VPS41: variants seen among roughly 807,000 people sequenced by gnomAD.
VPS41 encodes the protein vacuolar protein sorting-associated protein 41 homolog.
VPS41 carries 85 observed loss-of-function variants against 130.9 expected under a neutral mutation model. That is an observed-to-expected ratio of 0.65 (90% CI 0.55 to 0.78). The LOEUF is 0.78. Among genes scored for constraint, VPS41 ranks in the 30% least tolerant of loss-of-function variants. The probability of loss-of-function intolerance (pLI) is 0.00; values close to 1 mark genes in which losing one functional copy is unlikely to be tolerated. For missense variants in VPS41, 874 were observed against 1,018.7 expected (o/e 0.86, Z 1.93); for synonymous variants, 335 against 332.9 (o/e 1.01, Z -0.07).
Position 38,765,635 on chromosome 7 carries a change from T to A in VPS41, c.1274A>T (p.Asn425Ile). The A allele has an allele frequency of 6.2e-7, 1 of 1,603,652 alleles. No homozygotes were observed. Among genetic ancestry groups the A allele is most frequent in the Non-Finnish European group, 8.5e-7 (1 of 1,177,128 alleles). Residue 425 changes from asparagine to isoleucine, a missense_variant, in exon 16 of 29, where the codon AAT (asparagine) becomes ATT (isoleucine). By Grantham distance (149) the Asn-to-Ile change is moderately radical. Coordinates refer to ENST00000310301, the MANE Select transcript of VPS41 (RefSeq NM_014396.4). ...AACTTCATATTCCCAGAGTGCTGCA[T>A]TTTTCCCAAGAATTTTCTGGCATTT... Reference protein sequence around the residue: ...ARKCQKILGKNAALWEYEVYK... With the variant: ...ARKCQKILGKIAALWEYEVYK...
At chr7:38,828,753 A>C (rs193300633) in intron 5 of VPS41, among the ~76,000 whole-genome samples, 31 of 152,316 alleles carry the variant, frequency 2.0e-4, no homozygotes, top group Non-Finnish European at 3.2e-4. Flanking sequence ...ATAGGCAGCT[A>C]TAAATTTTAC....
intron 25 of VPS41, 53 bp downstream of exon 25, chr7:38,741,932 C>A: frequency 6.3e-7 from 1 of 1,591,134 alleles, no homozygotes; most frequent in Non-Finnish European, 8.5e-7. Flanking sequence ...AATATTTATC[C>A]AGTACTAAGT....
chr7:38,728,694 T>C lies in VPS41; in HGVS notation c.2357A>G (p.Asp786Gly), dbSNP rs1195386681. 2.5e-6 allele frequency: 4 copies of C among 1,614,002 alleles called. No homozygotes were observed. In the African/African-American group the frequency reaches 5.3e-5, roughly 22 times the overall value. ...ATGATTATTTCAATTTTACCCACCA[T>C]CAACAAGAACACCTTTCATTTGAGT... Reference protein sequence around the residue: ...HRTQMKGVLVDEENICESCLS... With the variant: ...HRTQMKGVLVGEENICESCLS... Residue 786 changes from aspartate (D) to glycine (G), a missense_variant and splice_region_variant, in exon 26 of 29, where the codon GAT becomes GGT. Asp to Gly is a moderately conservative substitution (Grantham distance 94). Coordinates refer to ENST00000310301, the MANE Select transcript of VPS41 (RefSeq NM_014396.4).
intron 22 of VPS41, among the ~76,000 whole-genome samples, chr7:38,747,063 A>G (rs535190757): frequency 6.6e-6 from 1 of 152,276 alleles, no homozygotes; most frequent in Admixed American, 6.5e-5. Context: ...AGTTGAATCT[A>G]ATCCTAGCTA....
At chr7:38,771,145 T>C (rs1784145393) in intron 14 of VPS41, 53 bp downstream of exon 14, 2 of 1,303,454 alleles carry the variant, frequency 1.5e-6, no homozygotes, top group East Asian at 4.6e-5. Context: ...TCAGTCTCAC[T>C]ATAACTTATT....
intron 7 of VPS41, among the ~76,000 whole-genome samples, chr7:38,801,719 G>C (rs1372242304): frequency 6.6e-6 from 1 of 152,118 alleles, no homozygotes; most frequent in Non-Finnish European, 1.5e-5. Flanking sequence ...TCCCCAACCA[G>C]TGCATTGGGG....
chr7:38,755,800 G>A (rs886284567), intron 19 of VPS41, among the ~76,000 whole-genome samples: 2 of 152,076 alleles, frequency 1.3e-5, no homozygotes, highest in South Asian at 4.2e-4. Context: ...ACAATGGAAG[G>A]GGGTGCATGA....
At chr7:38,743,613 A>C in intron 23 of VPS41, 71 bp from the exon 24 acceptor site, 1 of 1,545,640 alleles carries the variant, frequency 6.5e-7, no homozygotes, top group Non-Finnish European at 8.8e-7. Flanking sequence ...GAAATTGCAT[A>C]TCTCTTAATT....
intron 4 of VPS41, among the ~76,000 whole-genome samples, chr7:38,845,840 A>C (rs1317482855): frequency 1.3e-5 from 2 of 152,244 alleles, no homozygotes; most frequent in African/African-American, 4.8e-5. Flanking sequence ...ACCATTGTTA[A>C]AGAGAATAAA....
chr7:38,875,454 G>A (rs995757531), intron 2 of VPS41, among the ~76,000 whole-genome samples: 1 of 152,098 alleles, frequency 6.6e-6, no homozygotes, highest in African/African-American at 2.4e-5. Flanking sequence ...TCCCAAGAAA[G>A]AATGCTACTT....
chr7:38,768,664 CAG>C (rs1366083076), intron 14 of VPS41, among the ~76,000 whole-genome samples: 1 of 151,944 alleles, frequency 6.6e-6, no homozygotes, highest in Non-Finnish European at 1.5e-5. Flanking sequence ...TTTCTGGAAA[CAG>C]ATCACACGTA....
At chr7:38,729,658 A>G (rs1795618671) in intron 25 of VPS41, among the ~76,000 whole-genome samples, 2 of 152,338 alleles carry the variant, frequency 1.3e-5, no homozygotes, top group African/African-American at 4.8e-5. Flanking sequence ...TGGCAGCCTC[A>G]GAAGTCAGAA....
At chr7:38,737,074 A>T (rs556463167) in intron 25 of VPS41, among the ~76,000 whole-genome samples, 235 of 152,250 alleles carry the variant, frequency 1.5e-3, no homozygotes, top group Non-Finnish European at 2.7e-3. Flanking sequence ...ATCTATCTTT[A>T]AAAAACTAAA....
chr7:38,859,340 T>C (rs1434089914), intron 4 of VPS41, among the ~76,000 whole-genome samples: 2 of 152,122 alleles, frequency 1.3e-5, no homozygotes, highest in East Asian at 3.9e-4. Context: ...GTACAGGGTT[T>C]ATAATGTCTA....
intron 17 of VPS41, among the ~76,000 whole-genome samples, chr7:38,761,494 A>G (rs1465882115): frequency 6.6e-6 from 1 of 151,090 alleles, no homozygotes; most frequent in African/African-American, 2.4e-5. Context: ...CATGTTGGCC[A>G]GGATGGTCTC....
At chr7:38,833,350 A>C (rs531578807) in intron 4 of VPS41, among the ~76,000 whole-genome samples, 6 of 152,166 alleles carry the variant, frequency 3.9e-5, no homozygotes, top group Non-Finnish European at 8.8e-5. Flanking sequence ...AAAACCCTCC[A>C]ATGGCCTCCT....
chr7:38,881,038 A>G (rs148812651), intron 2 of VPS41, among the ~76,000 whole-genome samples: 227 of 152,316 alleles, frequency 1.5e-3, no homozygotes, highest in African/African-American at 5.2e-3. Context: ...CATTCAATCA[A>G]ATTATTTACT....
At chr7:38,774,075 A>G (rs1784206095) in intron 12 of VPS41, 40 bp downstream of exon 12, 2 of 1,534,174 alleles carry the variant, frequency 1.3e-6, no homozygotes, top group African/African-American at 2.8e-5. Context: ...AGAAAAAAAC[A>G]TTAAAAAAGC....
chr7:38,743,653 G>A, intron 23 of VPS41, 111 bp from the exon 24 acceptor site: 2 of 1,281,284 alleles, frequency 1.6e-6, no homozygotes, highest in South Asian at 1.5e-5. Flanking sequence ...CTAAGACAAG[G>A]CTATTTTCTC....
Sources: gnomAD v4.1 joint callset for allele counts (sites outside exome capture counted in the v4.1 genomes callset) on GRCh38, gnomAD v4.1.1 for gene constraint, MANE v1.5 for transcripts, NCBI Gene and HGNC (gene_info 2026-07-23, HGNC 2026-07-21) for gene names.